Variants in C9orf153 observed in about 807,000 individuals in gnomAD.
C9orf153 encodes uncharacterized protein C9orf153.
In C9orf153, 10 loss-of-function variants were observed where a neutral mutation model predicts 9.0. That is an observed-to-expected ratio of 1.11 (90% CI 0.69 to 1.89). C9orf153 has a LOEUF of 1.89. Ranked by LOEUF, C9orf153 falls within the 40% of genes most tolerant of loss-of-function variation. The probability of loss-of-function intolerance (pLI) is 0.00; values close to 1 mark genes in which losing one functional copy is unlikely to be tolerated. For missense variants in C9orf153, 108 were observed against 111.0 expected (o/e 0.97, Z 0.12); for synonymous variants, 35 against 37.3 (o/e 0.94, Z 0.23).
intron 3 of C9orf153, chr9:86,227,248 G>A (rs1022722893): frequency 3.4e-5 from 44 of 1,306,990 alleles, no homozygotes; most frequent in Non-Finnish European, 4.1e-5. Flanking sequence ...ATGTGCTCAA[G>A]TGATCCTCCC....
chr9:86,229,626 A>G lies in C9orf153; in HGVS notation c.-23T>C. 6.3e-7 allele frequency: 1 copy of G among 1,585,142 alleles called. No individual in the cohort carries two copies. Among genetic ancestry groups the G allele is most frequent in the Non-Finnish European group, 8.6e-7 (1 of 1,156,366 alleles). The stretch of plus-strand genomic sequence containing the variant: ...CATCGTGCTGGGATTTTATTCTCTA[A>G]TTCCTAAAAAAAGCAATATGAGAAA... On this transcript the variant is annotated 5_prime_UTR_variant, in exon 2 of 4. Coordinates refer to ENST00000339137, the MANE Select transcript of C9orf153 (RefSeq NM_001276366.4).
intron 3 of C9orf153, among the ~76,000 whole-genome samples, 162 bp from the exon 4 acceptor site, chr9:86,221,895 T>C (rs1286494720): frequency 2.0e-5 from 3 of 152,126 alleles, no homozygotes; most frequent in Admixed American, 1.3e-4. Flanking sequence ...TATTTATTTA[T>C]TTATTTTGAG....
intron 1 of C9orf153, among the ~76,000 whole-genome samples, chr9:86,239,892 T>C (rs1824693892): frequency 6.6e-6 from 1 of 152,118 alleles, no homozygotes; most frequent in Non-Finnish European, 1.5e-5. Context: ...TAAAAGGGAA[T>C]CTGGGCTGTT....
At chr9:86,254,432 G>A (rs967514213) in intron 1 of C9orf153, among the ~76,000 whole-genome samples, 3 of 152,126 alleles carry the variant, frequency 2.0e-5, no homozygotes, top group African/African-American at 7.2e-5. Flanking sequence ...TAAACTTTGA[G>A]AAAAATCACC....
At chr9:86,225,415 T>A in intron 3 of C9orf153, among the ~76,000 whole-genome samples, 1 of 796 alleles carries the variant, frequency 1.3e-3, no homozygotes, top group Middle Eastern at 0.5. Context: ...CTCTCTCTCC[T>A]TCCTTCCTTC....
At chr9:86,227,245 C>G in intron 3 of C9orf153, 7 of 1,298,738 alleles carry the variant, frequency 5.4e-6, no homozygotes, top group Non-Finnish European at 6.8e-6. Flanking sequence ...CACATGTGCT[C>G]AAGTGATCCT....
At chr9:86,232,654 G>T (rs143126520) in intron 1 of C9orf153, among the ~76,000 whole-genome samples, 1 of 151,886 alleles carries the variant, frequency 6.6e-6, no homozygotes. Context: ...AAGGAAAAAA[G>T]TTCTCTCTGC....
At chr9:86,233,182 G>A (rs1824508904) in intron 1 of C9orf153, among the ~76,000 whole-genome samples, 1 of 151,946 alleles carries the variant, frequency 6.6e-6, no homozygotes, top group Non-Finnish European at 1.5e-5. Flanking sequence ...TTGCAAATAT[G>A]TAAAATGTTT....
At chr9:86,237,201 G>A (rs1018119419) in intron 1 of C9orf153, among the ~76,000 whole-genome samples, 1 of 151,868 alleles carries the variant, frequency 6.6e-6, no homozygotes, top group Non-Finnish European at 1.5e-5. Context: ...TGCTAAGAAA[G>A]GAGAAAAATT....
At chr9:86,239,064 A>T (rs1223492726) in intron 1 of C9orf153, among the ~76,000 whole-genome samples, 1 of 152,004 alleles carries the variant, frequency 6.6e-6, no homozygotes, top group East Asian at 1.9e-4. Context: ...GATTGAGACC[A>T]TCCTGGCCAA....
intron 1 of C9orf153, among the ~76,000 whole-genome samples, chr9:86,245,499 T>C (rs1419620101): frequency 1.3e-5 from 2 of 152,200 alleles, no homozygotes; most frequent in Non-Finnish European, 2.9e-5. Context: ...AGTGAAATCA[T>C]ACAATATTGG....
At chr9:86,259,246 A>T (rs1458309903) in intron 1 of C9orf153, among the ~76,000 whole-genome samples, 3 of 152,134 alleles carry the variant, frequency 2.0e-5, no homozygotes, top group Non-Finnish European at 4.4e-5. Context: ...GGATGAAGGC[A>T]CTGAGGTTGG....
rs1824174397 is a variant in C9orf153, at chr9:86,220,540, T to C, written c.*1148A>G. On this transcript the variant is annotated 3_prime_UTR_variant, in exon 4 of 4. Coordinates refer to ENST00000339137, the MANE Select transcript of C9orf153 (RefSeq NM_001276366.4). ...GCATTGTAAGTATATGACACTATTG[T>C]CCTCTGACCTCTATTGTTAATGAGC... 1 of 152,238 alleles carries C rather than the reference T, an allele frequency of 6.6e-6. No individual in the cohort carries two copies. Among genetic ancestry groups the C allele is most frequent in the Admixed American group, 6.5e-5 (1 of 15,282 alleles). The allele number at this position is 152,238 out of a possible 1,614,324, so 9.4% of individuals were successfully genotyped here. A position where few individuals can be genotyped will look rare whatever the true frequency, so the allele number is the denominator to read the frequency against.
chr9:86,252,057 T>TG (rs1825009256), intron 1 of C9orf153, among the ~76,000 whole-genome samples: 1 of 152,190 alleles, frequency 6.6e-6, no homozygotes, highest in East Asian at 1.9e-4. Context: ...TGTTTTGAGA[T>TG]GGAGTCTCAC....
At chr9:86,236,865 C>T (rs1281098786) in intron 1 of C9orf153, among the ~76,000 whole-genome samples, 1 of 150,410 alleles carries the variant, frequency 6.6e-6, no homozygotes, top group East Asian at 1.9e-4. Context: ...CTTTGGGAGG[C>T]TGAGGCAGGA....
chr9:86,223,834 A>C (rs1248706260), intron 3 of C9orf153, among the ~76,000 whole-genome samples: 1 of 152,218 alleles, frequency 6.6e-6, no homozygotes, highest in Non-Finnish European at 1.5e-5. Context: ...CACACAAAAA[A>C]ATGGCAGAGC....
chr9:86,227,376 G>A, intron 3 of C9orf153: 3 of 1,529,790 alleles, frequency 2.0e-6, no homozygotes, highest in South Asian at 1.4e-5. Flanking sequence ...ATGTTTTCCA[G>A]GCTTGTTCAT....
chr9:86,235,841 G>A (rs1010748166), intron 1 of C9orf153, among the ~76,000 whole-genome samples: 1 of 147,860 alleles, frequency 6.8e-6, no homozygotes, highest in Non-Finnish European at 1.5e-5. Context: ...AATTACAAAA[G>A]GTATAACATA....
chr9:86,230,384 C>T (rs544752181), intron 1 of C9orf153, among the ~76,000 whole-genome samples: 2 of 152,340 alleles, frequency 1.3e-5, no homozygotes, highest in African/African-American at 4.8e-5. Context: ...TCACTGCAAC[C>T]TCTGCATCCC....
Sources: gnomAD v4.1 joint callset for allele counts (sites outside exome capture counted in the v4.1 genomes callset) on GRCh38, gnomAD v4.1.1 for gene constraint, MANE v1.5 for transcripts, NCBI Gene and HGNC (gene_info 2026-07-23, HGNC 2026-07-21) for gene names.